Variants in SGCD observed in about 807,000 individuals in gnomAD.
The protein encoded by SGCD is sarcoglycan delta.
A neutral mutation model predicts 36.6 loss-of-function variants in SGCD; 18 were observed. The observed-to-expected ratio is 0.49, with a 90% CI of 0.34 to 0.73. The LOEUF is 0.73. Among genes scored for constraint, SGCD ranks in the 30% least tolerant of loss-of-function variants. SGCD has a pLI of 0.01. For synonymous variants in SGCD, 133 were observed against 130.6 expected (o/e 1.02, Z -0.12); for missense variants, 387 against 346.7 (o/e 1.12, Z -0.92).
At chr5:156,653,506 T>TTTTTTTTTTTTTTTTTTTTTTC (rs1763552857) in intron 7 of SGCD, among the ~76,000 whole-genome samples, 2 of 143,410 alleles carry the variant, frequency 1.4e-5, no homozygotes, top group Admixed American at 7.1e-5. Context: ...TTTTTTTTTT[T>TTTTTTTTTTTTTTTTTTTTTTC]TTGCCCCTGT....
intron 7 of SGCD, among the ~76,000 whole-genome samples, chr5:156,651,912 A>G (rs1477826996): frequency 6.6e-6 from 1 of 152,074 alleles, no homozygotes; most frequent in Non-Finnish European, 1.5e-5. Flanking sequence ...TTCCATGAGC[A>G]TGGAATGTTT....
chr5:156,096,464 T>C (rs1375080361), intron 1 of SGCD, among the ~76,000 whole-genome samples: 1 of 152,196 alleles, frequency 6.6e-6, no homozygotes, highest in African/African-American at 2.4e-5. Context: ...ATGATGGGTA[T>C]GCAGGAAGGG....
At position 156,762,011 on chromosome 5, in the gene SGCD, T is replaced by G. The variant is rs1484985761; in HGVS notation, c.*2621T>G. The stretch of plus-strand genomic sequence containing the variant: ...TCAGATTTTGGAAATTGGTATGCAT[T>G]ATAAGTTTCTCAATGTACATCTTTT... On this transcript the variant is annotated 3_prime_UTR_variant, in exon 9 of 9. Transcript: ENST00000337851. The G allele has an allele frequency of 6.6e-6, 1 of 152,618 alleles. No homozygotes were observed. The highest frequency in any genetic ancestry group is 1.9e-4 in the East Asian group (1 of 5,200). The allele number at this position is 152,618 out of a possible 1,614,324, so 9.5% of individuals were successfully genotyped here.
chr5:156,377,342 G>A (rs563264634), intron 3 of SGCD, among the ~76,000 whole-genome samples: 3 of 152,192 alleles, frequency 2.0e-5, no homozygotes, highest in South Asian at 2.1e-4. Context: ...AACTCCCATC[G>A]CATTATAAAA....
chr5:155,989,502 A>C (rs1188319547), intron 1 of SGCD, among the ~76,000 whole-genome samples: 1 of 152,118 alleles, frequency 6.6e-6, no homozygotes, highest in Non-Finnish European at 1.5e-5. Context: ...CTAGTCTATC[A>C]TACTAGGTAA....
chr5:155,895,643 T>C (rs768473912), intron 1 of SGCD, among the ~76,000 whole-genome samples: 1 of 151,116 alleles, frequency 6.6e-6, no homozygotes, highest in East Asian at 1.9e-4. Context: ...GAAAGAACTG[T>C]CAAATTTGAA....
the SGCD span, among the ~76,000 whole-genome samples, chr5:155,781,737 C>G: frequency 3.9e-3 from 601 of 152,242 alleles, 6 homozygotes; most frequent in African/African-American, 0.013. Context: ...TCCCAAAGTG[C>G]TAGGATTATA....
Position 156,760,071 on chromosome 5 carries a change from C to T in SGCD, c.*681C>T, listed in dbSNP as rs999119977. ...TTCAGCAAATTTTGAACTGCTCACC[C>T]AACTTCTGCTATCTTGCTCCCTCCA... On this transcript the variant is annotated 3_prime_UTR_variant, in exon 9 of 9. Transcript: ENST00000337851. 6.6e-6 allele frequency: 1 copy of T among 152,130 alleles called. No individual in the cohort carries two copies. Among genetic ancestry groups the T allele is most frequent in the African/African-American group, 2.4e-5 (1 of 41,428 alleles). 9.4% of individuals were successfully genotyped at this position (152,130 alleles called of 1,614,324 possible).
intron 3 of SGCD, among the ~76,000 whole-genome samples, chr5:156,287,127 A>C (rs571211851): frequency 9.1e-4 from 138 of 152,282 alleles, no homozygotes; most frequent in South Asian, 3.1e-3. Context: ...GAAGAGAAGC[A>C]ATTTTAACTT....
chr5:156,324,955 C>T (rs183328433), upstream of SGCD, among the ~76,000 whole-genome samples: 5 of 152,198 alleles, frequency 3.3e-5, no homozygotes, highest in Admixed American at 2.6e-4. Flanking sequence ...TAATTTAGGA[C>T]GTTGCCATTT....
chr5:156,259,501 A>G (rs1765798528), intron 3 of SGCD, among the ~76,000 whole-genome samples: 1 of 151,070 alleles, frequency 6.6e-6, no homozygotes, highest in Non-Finnish European at 1.5e-5. Flanking sequence ...TATGGTTTCT[A>G]TGTTTGCCTA....
At chr5:156,438,565 T>C (rs556425113) in intron 3 of SGCD, among the ~76,000 whole-genome samples, 1 of 152,268 alleles carries the variant, frequency 6.6e-6, no homozygotes, top group African/African-American at 2.4e-5. Context: ...CCCAGGACAC[T>C]TTCTTTTAGC....
At chr5:155,747,136 C>T in the SGCD span, among the ~76,000 whole-genome samples, 1 of 152,072 alleles carries the variant, frequency 6.6e-6, no homozygotes, top group African/African-American at 2.4e-5. Flanking sequence ...TTGATAAAAA[C>T]AATACTACTT....
intron 7 of SGCD, among the ~76,000 whole-genome samples, chr5:156,682,478 G>A (rs1027336397): frequency 2.6e-4 from 39 of 152,278 alleles, no homozygotes; most frequent in African/African-American, 9.4e-4. Context: ...ACACAAATCT[G>A]TTGACTTTCA....
Position 156,761,931 on chromosome 5 carries a change from C to T in SGCD, c.*2541C>T, listed in dbSNP as rs938310195. ...ATTTTTCATTTATGCTAAGTGACCA[C>T]AGTATACAAAGTAATAAGCAGGAAA... On this transcript the variant is annotated 3_prime_UTR_variant, in exon 9 of 9. Transcript: ENST00000337851. 7 of 152,314 alleles carry T rather than the reference C, an allele frequency of 4.6e-5. No homozygotes were observed. Among genetic ancestry groups the T allele is most frequent in the African/African-American group, 1.7e-4 (7 of 41,430 alleles). 9.4% of individuals were successfully genotyped at this position (152,314 alleles called of 1,614,324 possible). A position where few individuals can be genotyped will look rare whatever the true frequency, so the allele number is the denominator to read the frequency against.
intron 1 of SGCD, among the ~76,000 whole-genome samples, chr5:156,094,546 A>G (rs1450761092): frequency 1.3e-5 from 2 of 151,636 alleles, no homozygotes; most frequent in African/African-American, 4.9e-5. Context: ...AATACTGGGT[A>G]CTTTCTTTCA....
chr5:155,931,699 T>G (rs764979919), intron 1 of SGCD, among the ~76,000 whole-genome samples: 178 of 152,336 alleles, frequency 1.2e-3, no homozygotes, highest in Non-Finnish European at 6.8e-4. Context: ...TGGAAGTATG[T>G]TAGCTACCCT....
intron 7 of SGCD, among the ~76,000 whole-genome samples, chr5:156,672,801 C>T (rs74352410): frequency 0.017 from 2,653 of 152,252 alleles, 33 homozygotes; most frequent in Non-Finnish European, 0.029. Context: ...GTCCCCTGTC[C>T]GTAGGCTTTA....
At chr5:156,493,267 A>G (rs1756028038) in intron 3 of SGCD, among the ~76,000 whole-genome samples, 1 of 152,160 alleles carries the variant, frequency 6.6e-6, no homozygotes, top group African/African-American at 2.4e-5. Context: ...AACACTTGAA[A>G]TCTATTAGCA....
Sources: allele counts gnomAD v4.1 joint callset (sites outside exome capture counted in the v4.1 genomes callset), GRCh38; gene constraint gnomAD v4.1.1; transcripts MANE v1.5; gene names NCBI Gene and HGNC (gene_info 2026-07-23, HGNC 2026-07-21).